RETREG1: variants seen among roughly 807,000 people sequenced by gnomAD.
RETREG1 encodes the protein reticulophagy regulator 1, also known as family with sequence similarity 134 member B.
RETREG1 carries 44 observed loss-of-function variants against 54.8 expected under a neutral mutation model. The ratio of observed to expected loss-of-function variants is 0.80; its 90% CI spans 0.63 to 1.03. RETREG1 has a LOEUF of 1.03. Among genes scored for constraint, RETREG1 ranks in the 50% least tolerant of loss-of-function variants. RETREG1 has a pLI of 0.00. For synonymous variants in RETREG1, 217 were observed against 238.5 expected (o/e 0.91, Z 0.83); for missense variants, 554 against 605.1 (o/e 0.92, Z 0.89).
intron 3 of RETREG1, among the ~76,000 whole-genome samples, chr5:16,551,919 T>C (rs1461465818): frequency 6.6e-6 from 1 of 152,146 alleles, no homozygotes; most frequent in African/African-American, 2.4e-5. Flanking sequence ...TCATGGTCCC[T>C]AGCTCCATAG....
In RETREG1 at chr5:16,478,039, G is replaced by T; in HGVS notation, c.868C>A (p.Pro290Thr). The T allele has an allele frequency of 1.2e-6, 2 of 1,607,936 alleles. No homozygotes were observed. Among genetic ancestry groups the T allele is most frequent in the South Asian group, 2.2e-5 (2 of 90,146 alleles). Reference sequence around the variant, plus strand: ...GAAAACTAAACAAAAAATACCTTAGGACAAAGAGCTGAAAAGTCTAATTCA... The same window carrying T: ...GAAAACTAAACAAAAAATACCTTAGTACAAAGAGCTGAAAAGTCTAATTCA... ...DSELDFSALC[P>T]KISLTVAAKE... Residue 290 changes from proline to threonine, a missense_variant, in exon 7 of 9, where the codon CCT becomes ACT. Pro to Thr is a conservative substitution (Grantham distance 38). Transcript: ENST00000306320.
Position 16,490,239 on chromosome 5 carries a change from C to A in RETREG1, c.459-6767G>T, listed in dbSNP as rs568589623. Among the ~76,000 whole-genome samples, 24 of 152,208 alleles carry A rather than the reference C, an allele frequency of 1.6e-4. 1 individual carries two copies. The East Asian group carries it at 4.1e-3, about 26-fold the overall frequency. ...CATCCCCCATAATTGGAGCCAGTTC[C>A]CTTGTGCCTTAAGCTGGTTTCTGGC... On this transcript the variant is annotated intron_variant, in intron 3 of 8. Transcript: ENST00000306320.
rs937638157 is a variant in RETREG1, at chr5:16,576,579, A to G, written c.321-4477T>C. Among the ~76,000 whole-genome samples, 92 of 152,080 alleles carry G rather than the reference A, an allele frequency of 6.0e-4. 1 individual carries two copies. The highest frequency in any genetic ancestry group is 2.0e-3 in the African/African-American group (85 of 41,492). ...CGGCTCACCGCAACCTCCGCCTCCC[A>G]GGTTCAAGCAATTCCCCTGCCTCAG... On this transcript the variant is annotated intron_variant, in intron 1 of 8. Coordinates refer to ENST00000306320, the MANE Select transcript of RETREG1 (RefSeq NM_001034850.3).
At chr5:16,540,184 G>A (rs1025635938) in intron 3 of RETREG1, among the ~76,000 whole-genome samples, 3 of 152,192 alleles carry the variant, frequency 2.0e-5, no homozygotes, top group East Asian at 1.9e-4. Context: ...GGATCCCCCC[G>A]CTAAAAACTA....
chr5:16,558,334 A>G (rs543319857), intron 3 of RETREG1, among the ~76,000 whole-genome samples: 56 of 152,300 alleles, frequency 3.7e-4, no homozygotes, highest in Non-Finnish European at 5.4e-4. Flanking sequence ...CTGCCCTTCC[A>G]TCTTCACCAT....
intron 1 of RETREG1, among the ~76,000 whole-genome samples, chr5:16,615,466 C>T (rs945715896): frequency 6.7e-6 from 1 of 149,418 alleles, no homozygotes; most frequent in African/African-American, 2.5e-5. Context: ...ACATCGTAAA[C>T]ATTAGTGAGA....
At chr5:16,556,861 G>A (rs1051347396) in intron 3 of RETREG1, among the ~76,000 whole-genome samples, 8 of 152,074 alleles carry the variant, frequency 5.3e-5, no homozygotes, top group African/African-American at 1.7e-4. Flanking sequence ...ATGGAGCTTC[G>A]CTCTGTCACC....
intron 8 of RETREG1, among the ~76,000 whole-genome samples, chr5:16,475,559 TA>T (rs1290326346): frequency 6.6e-6 from 1 of 152,188 alleles, no homozygotes; most frequent in Non-Finnish European, 1.5e-5. Flanking sequence ...GCATTTACTA[TA>T]AAAATTCCCC....
rs763988411 is a variant in RETREG1 at position 16,594,184 on chromosome 5, C to T, written c.321-22082G>A. 6.6e-6 allele frequency among the ~76,000 whole-genome samples: 1 copy of T among 152,228 alleles called. No homozygotes were observed. Among genetic ancestry groups the T allele is most frequent in the African/African-American group, 2.4e-5 (1 of 41,468 alleles). The stretch of plus-strand genomic sequence containing the variant: ...GGCATGTACACAGAATTAAACTTCT[C>T]AGTCATACAGTGCATCGATGTACAA... On this transcript the variant is annotated intron_variant, in intron 1 of 8. Coordinates refer to ENST00000306320, the MANE Select transcript of RETREG1 (RefSeq NM_001034850.3). The surrounding 1 kb of genome is among the most constrained non-coding windows in gnomAD (Gnocchi z 4.4).
In RETREG1 at chr5:16,616,917, C is replaced by T. The variant is rs1399809860; in HGVS notation, c.55G>A (p.Ala19Thr). 32 of 1,476,832 alleles carry T rather than the reference C, an allele frequency of 2.2e-5. No homozygotes were observed. The highest frequency in any genetic ancestry group is 2.7e-5 in the Non-Finnish European group (30 of 1,121,010). 91.5% of individuals were successfully genotyped at this position (1,476,832 alleles called of 1,614,324 possible). A position where few individuals can be genotyped will look rare whatever the true frequency, so the allele number is the denominator to read the frequency against. The change falls in exon 1 of 9, where the codon GCC becomes ACC. Residue 19 changes from alanine to threonine, a missense_variant. Ala to Thr is a moderately conservative substitution (Grantham distance 58). Transcript: ENST00000306320. ...GGCGACGGCGGCGCCTGCTCCTCGGCGGCAGGAGCCGGGCATCCCTCCTCG... is the reference window on the plus strand; with the variant it reads ...GGCGACGGCGGCGCCTGCTCCTCGGTGGCAGGAGCCGGGCATCCCTCCTCG... ...HAEEGCPAPA[A>T]EEQAPPSPPP...
At chr5:16,508,805 C>A in intron 3 of RETREG1, 1 of 1,451,806 alleles carries the variant, frequency 6.9e-7, no homozygotes, top group Non-Finnish European at 9.1e-7. Flanking sequence ...TTACAAACTT[C>A]CAAAGCGCCT....
intron 1 of RETREG1, among the ~76,000 whole-genome samples, chr5:16,577,109 A>G (rs1742345419): frequency 6.6e-6 from 1 of 152,110 alleles, no homozygotes; most frequent in African/African-American, 2.4e-5. Flanking sequence ...GCAGATGTGG[A>G]TTTTAAGTGT....
At position 16,481,186 on chromosome 5, in the gene RETREG1, C is replaced by G. The variant is rs576030665; in HGVS notation, c.586-93G>C. ...ACACACAATTGTAAATCTATAGTGACCGGTATAAGTGACCTATCTGGTTAT... is the reference window on the plus strand; with the variant it reads ...ACACACAATTGTAAATCTATAGTGAGCGGTATAAGTGACCTATCTGGTTAT... On this transcript the variant is annotated intron_variant, in intron 4 of 8. Coordinates refer to ENST00000306320, the MANE Select transcript of RETREG1 (RefSeq NM_001034850.3). 2.2e-3 allele frequency: 2,108 copies of G among 957,946 alleles called. 3 individuals carry two copies. The highest frequency in any genetic ancestry group is 7.8e-3 in the Middle Eastern group (37 of 4,724). The allele number at this position is 957,946 out of a possible 1,614,324, so 59.3% of individuals were successfully genotyped here.
chr5:16,498,898 C>T (rs1031161318), intron 3 of RETREG1, among the ~76,000 whole-genome samples: 2 of 152,104 alleles, frequency 1.3e-5, no homozygotes, highest in African/African-American at 2.4e-5. Flanking sequence ...TTAAATTTTT[C>T]TTTAATAATT....
chr5:16,563,662 A>G (rs1741932515), intron 3 of RETREG1, among the ~76,000 whole-genome samples: 1 of 152,172 alleles, frequency 6.6e-6, no homozygotes, highest in Admixed American at 6.5e-5. Context: ...TCCTAAATTA[A>G]CCAATTAATT....
At chr5:16,545,019 T>C (rs1741348050) in intron 3 of RETREG1, among the ~76,000 whole-genome samples, 1 of 152,206 alleles carries the variant, frequency 6.6e-6, no homozygotes, top group South Asian at 2.1e-4. Context: ...AAATACAGCC[T>C]TATTTTGAGA....
chr5:16,607,439 C>A (rs1304709934), intron 1 of RETREG1, among the ~76,000 whole-genome samples: 2 of 151,988 alleles, frequency 1.3e-5, no homozygotes, highest in Non-Finnish European at 2.9e-5. Flanking sequence ...CATGGTAAAA[C>A]CCTGTCTCTA....
intron 6 of RETREG1, among the ~76,000 whole-genome samples, chr5:16,478,488 T>C (rs1236192926): frequency 6.6e-6 from 1 of 152,142 alleles, no homozygotes; most frequent in African/African-American, 2.4e-5. Context: ...TATAAGGTCA[T>C]AAGCCAAGTT....
intron 4 of RETREG1, 168 bp downstream of exon 4, chr5:16,483,178 T>A (rs1738877509): frequency 1.4e-6 from 1 of 711,222 alleles, no homozygotes; most frequent in Admixed American, 2.3e-5. Context: ...TATCTAGTGT[T>A]CGCACACTCA....
Sources: allele counts gnomAD v4.1 joint callset (sites outside exome capture counted in the v4.1 genomes callset), GRCh38; gene constraint gnomAD v4.1.1; non-coding constraint Gnocchi (gnomAD v3.1); transcripts MANE v1.5; gene names NCBI Gene and HGNC (gene_info 2026-07-23, HGNC 2026-07-21).